Variants in TUT7 observed in about 807,000 individuals in gnomAD.
TUT7 encodes the protein terminal uridylyl transferase 7, also known as terminal uridylyltransferase 7.
A neutral mutation model predicts 165.9 loss-of-function variants in TUT7; 33 were observed. That is an observed-to-expected ratio of 0.20 (90% CI 0.15 to 0.27). The LOEUF (loss-of-function observed/expected upper bound fraction) is 0.27. Among genes scored for constraint, TUT7 ranks in the 10% least tolerant of loss-of-function variants. The pLI, the probability that TUT7 is intolerant of heterozygous loss-of-function variation, is 1.00. For missense variants in TUT7, 1,338 were observed against 1,762.3 expected (o/e 0.76, Z 4.31); for synonymous variants, 552 against 608.1 (o/e 0.91, Z 1.36).
Position 86,345,890 on chromosome 9 carries a change from A to G in TUT7, c.703-105T>C, listed in dbSNP as rs1036696898. The G allele has an allele frequency of 4.7e-6, 4 of 849,558 alleles. No homozygotes were observed. In the African/African-American group the frequency reaches 5.1e-5, roughly 11 times the overall value. 52.6% of individuals were successfully genotyped at this position (849,558 alleles called of 1,614,324 possible). ...ATTTCCCCTTCAATTTCTTTTCTCT[A>G]AAGAGACAGGAGTCTCACTATGTTG... On this transcript the variant is annotated intron_variant, in intron 3 of 26. Transcript: ENST00000375963.
chr9:86,302,331 TACAA>T (rs36132969), intron 25 of TUT7, among the ~76,000 whole-genome samples: 66,996 of 151,590 alleles, frequency 0.44, 14,972 homozygotes, highest in Middle Eastern at 0.59. Context: ...TTAAGTGGAA[TACAA>T]ACAAAGAGTG....
Position 86,309,990 on chromosome 9 carries a change from C to T in TUT7, c.3406G>A (p.Ala1136Thr). The T allele has an allele frequency of 1.2e-6, 2 of 1,613,296 alleles. No homozygotes were observed. The highest frequency in any genetic ancestry group is 1.7e-6 in the Non-Finnish European group (2 of 1,179,634). ...ACTCTGGGATCAATGGCGGAATAAG[C>T]AGATAAAAGCCTTGTGTTATGAAGG... Reference protein sequence around the residue: ...LALHNTRLLSAYSAIDPRVKY... With the variant: ...LALHNTRLLSTYSAIDPRVKY... The change falls in exon 19 of 27, where the codon GCT becomes ACT. Residue 1136 changes from alanine to threonine, a missense_variant. Around this residue, in one of 7 missense-constraint regions of TUT7, gnomAD observed 157 missense variants for 357.5 expected, o/e 0.44. Coordinates refer to ENST00000375963, the MANE Select transcript of TUT7 (RefSeq NM_024617.4).
intron 14 of TUT7, 121 bp downstream of exon 14, chr9:86,322,204 A>G: frequency 1.2e-6 from 1 of 829,880 alleles, no homozygotes; most frequent in Non-Finnish European, 1.9e-6. Context: ...GATACAATGG[A>G]GAATGGAATA....
chr9:86,337,211 T>C (rs1317917753), intron 10 of TUT7: 1 of 530,052 alleles, frequency 1.9e-6, no homozygotes, highest in African/African-American at 2.0e-5. Context: ...AGAAAGGTAA[T>C]AATATCCCTA....
intron 6 of TUT7, among the ~76,000 whole-genome samples, chr9:86,342,846 C>T (rs748158512): frequency 7.2e-5 from 11 of 151,840 alleles, no homozygotes; most frequent in Non-Finnish European, 1.5e-4. Flanking sequence ...CCATCAGGTG[C>T]ACATGGTTGA....
intron 7 of TUT7, 145 bp downstream of exon 7, chr9:86,340,857 T>G (rs1049837532): frequency 1.2e-4 from 76 of 610,780 alleles, no homozygotes; most frequent in Middle Eastern, 4.7e-4. Context: ...AGGACTCTAG[T>G]TAATAATTCA....
chr9:86,332,462 A>G (rs1313550778), intron 10 of TUT7, among the ~76,000 whole-genome samples: 1 of 152,126 alleles, frequency 6.6e-6, no homozygotes, highest in Non-Finnish European at 1.5e-5. Context: ...ACCAAATACC[A>G]CAAGTTCTCA....
At position 86,322,906 on chromosome 9, in the gene TUT7, A is replaced by G; in HGVS notation, c.2844T>C (p.Tyr948=). The change falls in exon 13 of 27, where the codon TAT becomes TAC. Residue 948 remains tyrosine (Y), a synonymous_variant. Coordinates refer to ENST00000375963, the MANE Select transcript of TUT7 (RefSeq NM_024617.4). ...TGGTGAAGATAAGTTTACTGAATTC[A>G]TAAAAAAAATCAGACTGATCCACAG... ...NSPVDQSDFF[Y]EFSKLIFTKG... The G allele has an allele frequency of 6.2e-7, 1 of 1,605,604 alleles. No individual in the cohort carries two copies. Among genetic ancestry groups the G allele is most frequent in the Non-Finnish European group, 8.5e-7 (1 of 1,177,262 alleles).
chr9:86,345,683 T>C lies in TUT7; in HGVS notation c.805A>G (p.Lys269Glu), dbSNP rs1047504972. The C allele has an allele frequency of 1.9e-6, 3 of 1,611,294 alleles. No individual in the cohort carries two copies. Among genetic ancestry groups the C allele is most frequent in the Admixed American group, 1.7e-5 (1 of 59,888 alleles). ...ATTCAATTTACCTTAATGTTTTTCT[T>C]GTGCCTCTTTTCCTTGATATGCTTA... ...AHKHIKEKRH[K>E]KNIKEKQEEE... The change falls in exon 4 of 27, where the codon AAG (lysine) becomes GAG (glutamate). Residue 269 changes from lysine to glutamate, a missense_variant. Around this residue, in one of 7 missense-constraint regions of TUT7, gnomAD observed 434 missense variants for 480.8 expected, o/e 0.90. Transcript: ENST00000375963.
intron 2 of TUT7, among the ~76,000 whole-genome samples, chr9:86,347,475 T>A (rs1831875037): frequency 6.6e-6 from 1 of 152,144 alleles, no homozygotes; most frequent in Admixed American, 6.5e-5. Context: ...AATTCCTCCA[T>A]CAAGTTTTCA....
At chr9:86,335,041 A>AT (rs1830646116) in intron 10 of TUT7, among the ~76,000 whole-genome samples, 1 of 152,148 alleles carries the variant, frequency 6.6e-6, no homozygotes, top group Non-Finnish European at 1.5e-5. Context: ...GGATCACTTG[A>AT]TTAGGAGTTC....
Position 86,305,245 on chromosome 9 carries a change from C to A in TUT7, c.3839-6G>T. 1 of 1,582,816 alleles carries A rather than the reference C, an allele frequency of 6.3e-7. No individual in the cohort carries two copies. The highest frequency in any genetic ancestry group is 8.6e-7 in the Non-Finnish European group (1 of 1,167,806). ...ATGATTCAAATCAAAGGGATCTAAG[C>A]AAAAAAATTTAAGAGCAAATAAGGT... is the stretch of plus-strand genomic sequence containing the variant. On this transcript the variant is annotated splice_polypyrimidine_tract_variant and splice_region_variant and intron_variant, in intron 22 of 26. Coordinates refer to ENST00000375963, the MANE Select transcript of TUT7 (RefSeq NM_024617.4).
intron 13 of TUT7, 30 bp from the exon 14 acceptor site, chr9:86,322,505 C>CT (rs1554701955): frequency 6.3e-7 from 1 of 1,582,212 alleles, no homozygotes; most frequent in Non-Finnish European, 8.6e-7. Context: ...CAAAACAAGA[C>CT]TTAACACTTT....
Position 86,323,676 on chromosome 9 carries a change from C to G in TUT7, c.2074G>C (p.Val692Leu), listed in dbSNP as rs773966263. The change falls in exon 13 of 27, where the codon GTA (valine) becomes CTA (leucine). Residue 692 changes from valine (V) to leucine (L), a missense_variant. Val to Leu is a conservative substitution (Grantham distance 32). This residue lies in a region of TUT7 where 425 missense variants were observed against 474.9 expected (regional missense o/e 0.89). Coordinates refer to ENST00000375963, the MANE Select transcript of TUT7 (RefSeq NM_024617.4). ...ATSSAANTCK[V>L]QPLTLKETAE... ...GTCTCTTTAAGAGTAAGTGGCTGTA[C>G]CTTACAGGTATTTGCAGCTGAACTG... 8 of 1,614,058 alleles carry G rather than the reference C, an allele frequency of 5.0e-6. No individual in the cohort carries two copies. The East Asian group carries it at 1.6e-4, about 31-fold the overall frequency.
intron 26 of TUT7, among the ~76,000 whole-genome samples, chr9:86,297,479 C>T (rs76887445): frequency 1.9e-3 from 287 of 152,272 alleles, no homozygotes; most frequent in Admixed American, 7.8e-3. Context: ...ACCTTGGCTA[C>T]GCAAGAATTA....
At position 86,317,294 on chromosome 9, in the gene TUT7, T is replaced by A; in HGVS notation, c.3217-18A>T. ...TCCAATCCCTACAACAAAGAAGGCATAAAGAACTTAACCAAAACTGGAAGA... is the reference window on the plus strand; with the variant it reads ...TCCAATCCCTACAACAAAGAAGGCAAAAAGAACTTAACCAAAACTGGAAGA... On this transcript the variant is annotated intron_variant, in intron 16 of 26. Coordinates refer to ENST00000375963, the MANE Select transcript of TUT7 (RefSeq NM_024617.4). 1 of 1,609,590 alleles carries A rather than the reference T, an allele frequency of 6.2e-7. No individual in the cohort carries two copies. Among genetic ancestry groups the A allele is most frequent in the Non-Finnish European group, 8.5e-7 (1 of 1,177,906 alleles).
chr9:86,305,034 G>T (rs1314896151), intron 23 of TUT7, 87 bp from the exon 24 acceptor site: 3 of 1,223,970 alleles, frequency 2.5e-6, no homozygotes, highest in Non-Finnish European at 3.5e-6. Flanking sequence ...GCCTGGTGGC[G>T]CCTGTTATTC....
intron 6 of TUT7, among the ~76,000 whole-genome samples, chr9:86,342,443 C>T (rs1408995722): frequency 6.6e-6 from 1 of 152,118 alleles, no homozygotes. Context: ...CTATGTTGCC[C>T]AGGCTGGAAT....
chr9:86,348,352 C>G (rs1358382269), intron 2 of TUT7, among the ~76,000 whole-genome samples: 1 of 152,174 alleles, frequency 6.6e-6, no homozygotes, highest in Non-Finnish European at 1.5e-5. Context: ...AGCAATCCTG[C>G]TAATACTGTC....
Sources: allele counts gnomAD v4.1 joint callset (sites outside exome capture counted in the v4.1 genomes callset), GRCh38; gene constraint gnomAD v4.1.1; regional missense constraint gnomAD v4.1.1; transcripts MANE v1.5; gene names NCBI Gene and HGNC (gene_info 2026-07-23, HGNC 2026-07-21).